The following DGKI variants were observed in gnomAD, a reference collection of about 807,000 sequenced individuals.
The protein encoded by DGKI is diacylglycerol kinase iota, also known as DAG kinase iota.
DGKI carries 55 observed loss-of-function variants against 147.5 expected under a neutral mutation model. The observed-to-expected ratio is 0.37, with a 90% CI of 0.30 to 0.47. DGKI has a LOEUF of 0.47. Among genes scored for constraint, DGKI ranks in the 20% least tolerant of loss-of-function variants. DGKI has a pLI of 1.00. For missense variants in DGKI, 1,007 were observed against 1,323.8 expected (o/e 0.76, Z 3.71); for synonymous variants, 469 against 477.1 (o/e 0.98, Z 0.22).
chr7:137,805,749 T>G (rs1797345670), intron 1 of DGKI, among the ~76,000 whole-genome samples: 1 of 152,206 alleles, frequency 6.6e-6, no homozygotes, highest in Non-Finnish European at 1.5e-5. Context: ...CCACTTGTTC[T>G]CAGATGGGCA....
rs1218320190 is a variant in DGKI, at chr7:137,638,515, TGTATATATATACAC to T, written c.804+6943_804+6956del. Reference sequence around the variant, plus strand: ...ACACATATATATGTATATATATGTGTGTATATATATACACACACATATATGTATATATATGTGTG... The same window carrying T: ...ACACATATATATGTATATATATGTGTACACATATATGTATATATATGTGTG... On this transcript the variant is annotated intron_variant, in intron 6 of 32. Transcript: ENST00000614521. 5.9e-4 allele frequency among the ~76,000 whole-genome samples: 70 copies of T among 118,956 alleles called. 4 individuals are homozygous for T. The highest frequency in any genetic ancestry group is 2.4e-3 in the African/African-American group (66 of 27,596). The allele number at this position is 118,956 out of a possible 152,430, so 78.0% of individuals were successfully genotyped here.
chr7:137,725,384 C>G (rs146825341), intron 1 of DGKI, among the ~76,000 whole-genome samples: 245 of 152,230 alleles, frequency 1.6e-3, no homozygotes, highest in African/African-American at 5.7e-3. Context: ...TTTGCCTGGT[C>G]CAATCAACCT....
intron 21 of DGKI, among the ~76,000 whole-genome samples, chr7:137,506,957 A>G (rs1816389685): frequency 6.6e-6 from 1 of 152,194 alleles, no homozygotes; most frequent in African/African-American, 2.4e-5. Context: ...CAAGGTTATC[A>G]TGGAACTACA....
chr7:137,471,590 A>G (rs1814890608), intron 23 of DGKI, among the ~76,000 whole-genome samples: 1 of 152,160 alleles, frequency 6.6e-6, no homozygotes, highest in East Asian at 1.9e-4. Flanking sequence ...TATGGGTGGA[A>G]CCCAGCAATG....
chr7:137,740,329 C>G (rs189493752), intron 1 of DGKI, among the ~76,000 whole-genome samples: 1 of 152,266 alleles, frequency 6.6e-6, no homozygotes, highest in East Asian at 1.9e-4. Flanking sequence ...AACAGTACTG[C>G]CTGACATGAG....
At chr7:137,834,827 G>T (rs1798318572) in intron 1 of DGKI, among the ~76,000 whole-genome samples, 1 of 152,206 alleles carries the variant, frequency 6.6e-6, no homozygotes, top group Admixed American at 6.5e-5. Flanking sequence ...AGGGCTTCAA[G>T]GCTTCCACAC....
At chr7:137,759,428 G>A (rs1246137802) in intron 1 of DGKI, among the ~76,000 whole-genome samples, 2 of 151,438 alleles carry the variant, frequency 1.3e-5, no homozygotes, top group South Asian at 4.2e-4. Context: ...TGCAACCTCC[G>A]CCTCCCAGGT....
chr7:137,612,132 T>C (rs1820384223), intron 8 of DGKI, among the ~76,000 whole-genome samples: 1 of 151,438 alleles, frequency 6.6e-6, no homozygotes, highest in Admixed American at 6.6e-5. Flanking sequence ...AGCACAGAGT[T>C]AGAAAAACAC....
rs758258337 is a variant in DGKI at position 137,383,100 on chromosome 7, G to A, written c.*8120C>T. ...GACTCTACATCCCAAACAACAAATG[G>A]GTAGTAAGTAGGGGAAAGAACACTA... On this transcript the variant is annotated 3_prime_UTR_variant, in exon 33 of 33. Transcript: ENST00000614521. 6.6e-6 allele frequency: 1 copy of A among 151,788 alleles called. No homozygotes were observed. The highest frequency in any genetic ancestry group is 2.4e-5 in the African/African-American group (1 of 41,374). 9.4% of individuals were successfully genotyped at this position (151,788 alleles called of 1,614,324 possible).
At chr7:137,653,563 G>C (rs1197312172) in intron 5 of DGKI, among the ~76,000 whole-genome samples, 2 of 152,042 alleles carry the variant, frequency 1.3e-5, no homozygotes, top group African/African-American at 2.4e-5. Flanking sequence ...TATCCGGAAG[G>C]CTCTTGCCAC....
chr7:137,753,502 T>C (rs1276184753), intron 1 of DGKI, among the ~76,000 whole-genome samples: 1 of 152,160 alleles, frequency 6.6e-6, no homozygotes, highest in Non-Finnish European at 1.5e-5. Flanking sequence ...CAGAGGTAGT[T>C]TAGTACCTCA....
chr7:137,641,183 T>C (rs1258190931), intron 6 of DGKI, among the ~76,000 whole-genome samples: 1 of 152,190 alleles, frequency 6.6e-6, no homozygotes, highest in Non-Finnish European at 1.5e-5. Flanking sequence ...AAGATGTGAC[T>C]TGCTCCTCCT....
At chr7:137,719,312 T>C (rs1036831272) in intron 1 of DGKI, among the ~76,000 whole-genome samples, 2 of 152,052 alleles carry the variant, frequency 1.3e-5, no homozygotes, top group African/African-American at 4.8e-5. Flanking sequence ...CTGTCTCAAC[T>C]TTTTTAGGAA....
At chr7:137,420,544 T>A (rs956140702) in intron 28 of DGKI, among the ~76,000 whole-genome samples, 2 of 152,170 alleles carry the variant, frequency 1.3e-5, no homozygotes, top group Non-Finnish European at 2.9e-5. Context: ...CAATGTCATC[T>A]GGTTTATGTC....
rs1485959625 is a variant in DGKI at position 137,577,198 on chromosome 7, T to C, written c.1761+24A>G. On this transcript the variant is annotated intron_variant, in intron 17 of 32. Transcript: ENST00000614521. The stretch of plus-strand genomic sequence containing the variant: ...GCAGTCATATCATATTCAAATTAAA[T>C]AAATCAACATATTCAATACTTACAA... 3.3e-6 allele frequency: 5 copies of C among 1,521,390 alleles called. 1 individual carries two copies. The African/African-American group carries it at 5.5e-5, about 17-fold the overall frequency. The allele number at this position is 1,521,390 out of a possible 1,614,324, so 94.2% of individuals were successfully genotyped here.
At chr7:137,688,901 C>G (rs75542089) in intron 2 of DGKI, among the ~76,000 whole-genome samples, 4 of 152,160 alleles carry the variant, frequency 2.6e-5, no homozygotes, top group Non-Finnish European at 5.9e-5. Context: ...AAGGGAGAAG[C>G]TGTAGTTCAA....
chr7:137,658,606 C>A (rs966488715), intron 3 of DGKI, among the ~76,000 whole-genome samples: 2 of 152,208 alleles, frequency 1.3e-5, no homozygotes, highest in Non-Finnish European at 2.9e-5. Context: ...CTTGACACTA[C>A]GCTCTGCATT....
chr7:137,767,761 A>G (rs1429599265), intron 1 of DGKI, among the ~76,000 whole-genome samples: 1 of 152,230 alleles, frequency 6.6e-6, no homozygotes, highest in Non-Finnish European at 1.5e-5. Context: ...TTGGAAAGTT[A>G]GTTAACCCAG....
At chr7:137,812,242 C>T (rs1797613801) in intron 1 of DGKI, among the ~76,000 whole-genome samples, 2 of 152,144 alleles carry the variant, frequency 1.3e-5, no homozygotes, top group African/African-American at 4.8e-5. Flanking sequence ...GTTTCCTCAA[C>T]TAAAAAACAG....
Sources: gnomAD v4.1 joint callset for allele counts (sites outside exome capture counted in the v4.1 genomes callset) on GRCh38, gnomAD v4.1.1 for gene constraint, MANE v1.5 for transcripts, NCBI Gene and HGNC (gene_info 2026-07-23, HGNC 2026-07-21) for gene names.